Variants in ZNF365 observed in about 807,000 individuals in gnomAD.
ZNF365 encodes the protein protein ZNF365.
ZNF365 carries 22 observed loss-of-function variants against 35.0 expected under a neutral mutation model. The ratio of observed to expected loss-of-function variants is 0.63; its 90% CI spans 0.45 to 0.90. The LOEUF is 0.90. Ranked by LOEUF, ZNF365 falls within the 40% of genes least tolerant of loss-of-function variation. The pLI, the probability that ZNF365 is intolerant of heterozygous loss-of-function variation, is 0.00. For synonymous variants in ZNF365, 188 were observed against 196.2 expected (o/e 0.96, Z 0.35); for missense variants, 448 against 500.3 (o/e 0.90, Z 1.00).
At chr10:62,374,652 A>T (rs1377263071) in intron 1 of ZNF365, among the ~76,000 whole-genome samples, 194 bp downstream of exon 1, 2 of 152,086 alleles carry the variant, frequency 1.3e-5, no homozygotes, top group Non-Finnish European at 2.9e-5. Context: ...CACGCAGCGG[A>T]GAGGGGGCGG....
chr10:62,435,187 A>C (rs1840388929), intron 3 of ZNF365, among the ~76,000 whole-genome samples: 1 of 152,214 alleles, frequency 6.6e-6, no homozygotes, highest in Admixed American at 6.5e-5. Flanking sequence ...AGGACTATTT[A>C]GACATGATCT....
intron 3 of ZNF365, among the ~76,000 whole-genome samples, chr10:62,393,536 A>C (rs937562099): frequency 5.3e-5 from 8 of 152,262 alleles, no homozygotes; most frequent in Admixed American, 4.6e-4. Flanking sequence ...TCGTTGACTG[A>C]AACATTGTTT....
At chr10:62,399,131 A>G (rs1403958788) in intron 4 of ZNF365, among the ~76,000 whole-genome samples, 1 of 152,210 alleles carries the variant, frequency 6.6e-6, no homozygotes, top group Non-Finnish European at 1.5e-5. Context: ...TCATCCTGGC[A>G]GTCATATGCT....
At chr10:62,402,772 T>A (rs1401398957), downstream of ZNF365, among the ~76,000 whole-genome samples, 5 of 152,218 alleles carry the variant, frequency 3.3e-5, no homozygotes, top group African/African-American at 1.2e-4. Flanking sequence ...TCTTAGCAAT[T>A]CATAAACAGA....
intron 2 of ZNF365, among the ~76,000 whole-genome samples, chr10:62,387,917 G>C (rs1282883778): frequency 1.3e-5 from 2 of 152,072 alleles, no homozygotes; most frequent in Admixed American, 6.5e-5. Context: ...AAAACCAGAA[G>C]TCTCACAGTG....
chr10:62,457,766 G>C (rs980897950), intron 3 of ZNF365, among the ~76,000 whole-genome samples: 1 of 152,174 alleles, frequency 6.6e-6, no homozygotes, highest in African/African-American at 2.4e-5. Context: ...CTAGGTGTCA[G>C]GTGCAGCTCC....
chr10:62,377,772 A>AT (rs1395335660), intron 2 of ZNF365, among the ~76,000 whole-genome samples: 3 of 152,248 alleles, frequency 2.0e-5, no homozygotes, highest in African/African-American at 7.2e-5. Context: ...GTCAGATTTC[A>AT]TTTTAAATAG....
intron 3 of ZNF365, among the ~76,000 whole-genome samples, chr10:62,414,051 A>G (rs1840031793): frequency 6.6e-6 from 1 of 152,240 alleles, no homozygotes; most frequent in Non-Finnish European, 1.5e-5. Flanking sequence ...TTTCTCAGCC[A>G]ATAAATTATA....
Position 62,376,827 on chromosome 10 carries a change from C to G in ZNF365, c.634C>G (p.Gln212Glu). 1.2e-6 allele frequency: 2 copies of G among 1,614,180 alleles called. No homozygotes were observed. Among genetic ancestry groups the G allele is most frequent in the Non-Finnish European group, 8.5e-7 (1 of 1,180,028 alleles). Residue 212 changes from glutamine to glutamate, a missense_variant, in exon 2 of 5, where the codon CAG becomes GAG. Coordinates refer to ENST00000395254, the MANE Select transcript of ZNF365 (RefSeq NM_014951.3). ...VQLTQKKQEV[Q>E]RRERALNRQV... ...GCTGACTCAGAAAAAGCAGGAAGTT[C>G]AGAGACGAGAGCGGGCCTTAAACAG...
chr10:62,447,157 G>A (rs1840603203), intron 3 of ZNF365, among the ~76,000 whole-genome samples: 1 of 151,992 alleles, frequency 6.6e-6, no homozygotes, highest in Admixed American at 6.6e-5. Flanking sequence ...AAGAAATTTG[G>A]GCCTTTTAAT....
chr10:62,388,494 G>A lies in ZNF365; in HGVS notation c.842G>A (p.Arg281Gln). ...LQDFIENLLQ[R>Q]VELAEKQLEY... is the part of the protein sequence containing the mutation. ...GACTTTATTGAGAATCTGTTACAGC[G>A]GGTAGAACTGGCGGAGAAGCAGCTT... is the stretch of plus-strand genomic sequence containing the variant. Residue 281 changes from arginine (R) to glutamine (Q), a missense_variant, in exon 3 of 5, where the codon CGG (arginine) becomes CAG (glutamine). Arg to Gln is a conservative substitution (Grantham distance 43, BLOSUM62 1). Transcript: ENST00000395254. 1 of 1,614,186 alleles carries A rather than the reference G, an allele frequency of 6.2e-7. No homozygotes were observed. Among genetic ancestry groups the A allele is most frequent in the South Asian group, 1.1e-5 (1 of 91,088 alleles).
chr10:62,479,992 T>G, exon 5 of ZNF365: 1 of 1,579,242 alleles, frequency 6.3e-7, no homozygotes, highest in South Asian at 1.1e-5. Flanking sequence ...AACAAATATT[T>G]ATTAAGCATG....
intron 3 of ZNF365, among the ~76,000 whole-genome samples, chr10:62,434,289 C>A (rs970112854): frequency 6.6e-6 from 1 of 150,790 alleles, no homozygotes; most frequent in African/African-American, 2.4e-5. Flanking sequence ...TTTTTTTTTT[C>A]TCCCTGTAAA....
rs1208154288 is a variant in ZNF365, at chr10:62,397,364, T to A, written c.925-1376T>A. Among the ~76,000 whole-genome samples, 58 of 152,124 alleles carry A rather than the reference T, an allele frequency of 3.8e-4. 1 individual carries two copies. The highest frequency in any genetic ancestry group is 3.8e-3 in the Admixed American group (58 of 15,276). ...GTTAGGCTGAGCTTGGGTTTTCAGA[T>A]CATTTTAGTACAGCAGGGACATATA... On this transcript the variant is annotated intron_variant, in intron 3 of 4. Transcript: ENST00000395254.
At chr10:62,421,935 G>T (rs2132448460) in intron 3 of ZNF365, among the ~76,000 whole-genome samples, 1 of 152,272 alleles carries the variant, frequency 6.6e-6, no homozygotes, top group South Asian at 2.1e-4. Flanking sequence ...TTTTACCACT[G>T]TATTCTGAAT....
At chr10:62,467,149 G>A (rs957817451) in intron 4 of ZNF365, among the ~76,000 whole-genome samples, 9 of 152,186 alleles carry the variant, frequency 5.9e-5, no homozygotes, top group African/African-American at 2.2e-4. Context: ...GGAATAAAAT[G>A]TTAAATTTTT....
intron 3 of ZNF365, among the ~76,000 whole-genome samples, chr10:62,434,315 T>C (rs1362700751): frequency 1.3e-5 from 2 of 151,720 alleles, no homozygotes; most frequent in Admixed American, 1.3e-4. Context: ...GAAACAACAA[T>C]CAAATGAAAA....
intron 3 of ZNF365, among the ~76,000 whole-genome samples, chr10:62,419,057 C>G (rs1840125387): frequency 6.6e-6 from 1 of 152,070 alleles, no homozygotes; most frequent in African/African-American, 2.4e-5. Context: ...ACATTGACTT[C>G]AAGTTTGCTT....
intron 3 of ZNF365, among the ~76,000 whole-genome samples, chr10:62,432,807 T>A (rs1020323266): frequency 3.3e-5 from 5 of 152,094 alleles, no homozygotes; most frequent in Non-Finnish European, 5.9e-5. Context: ...TCCAAATATA[T>A]CAGTAAGATT....
Sources: gnomAD v4.1 joint callset for allele counts (sites outside exome capture counted in the v4.1 genomes callset) on GRCh38, gnomAD v4.1.1 for gene constraint, MANE v1.5 for transcripts, NCBI Gene and HGNC (gene_info 2026-07-23, HGNC 2026-07-21) for gene names.